WDFY1: variants seen among roughly 807,000 people sequenced by gnomAD.
WDFY1 encodes WD repeat and FYVE domain containing 1, also known as WD repeat and FYVE domain-containing protein 1.
Under a neutral mutation model 56.4 loss-of-function variants are expected in WDFY1, and 32 were observed. The ratio of observed to expected loss-of-function variants is 0.57; its 90% confidence interval spans 0.43 to 0.76. WDFY1 has a LOEUF of 0.76. WDFY1 is among the 30% of genes least tolerant of loss of function. The probability of loss-of-function intolerance (pLI) is 0.00; values close to 1 mark genes in which losing one functional copy is unlikely to be tolerated. For synonymous variants in WDFY1, 192 were observed against 197.3 expected (o/e 0.97, Z 0.23); for missense variants, 480 against 545.7 (o/e 0.88, Z 1.20).
chr2:223,888,348 G>A (rs1411275828), intron 8 of WDFY1, among the ~76,000 whole-genome samples: 2 of 152,042 alleles, frequency 1.3e-5, no homozygotes, highest in African/African-American at 2.4e-5. Context: ...GATTACAGGC[G>A]TGAGCCACTG....
At chr2:223,879,494 A>C (rs1693028939) in intron 11 of WDFY1, among the ~76,000 whole-genome samples, 1 of 151,918 alleles carries the variant, frequency 6.6e-6, no homozygotes, top group African/African-American at 2.4e-5. Context: ...AATCTCTATG[A>C]AAAATCCCCC....
intron 3 of WDFY1, among the ~76,000 whole-genome samples, chr2:223,910,281 T>A (rs1693672134): frequency 6.6e-6 from 1 of 152,156 alleles, no homozygotes; most frequent in Non-Finnish European, 1.5e-5. Flanking sequence ...GATCTAAATG[T>A]AAAGCTAAAC....
chr2:223,883,565 A>G (rs1464708047), intron 9 of WDFY1, among the ~76,000 whole-genome samples: 2 of 152,244 alleles, frequency 1.3e-5, no homozygotes, highest in African/African-American at 4.8e-5. Flanking sequence ...CTGAGCACTA[A>G]TAATTCCCTT....
chr2:223,942,811 A>G (rs1483908450), intron 1 of WDFY1, among the ~76,000 whole-genome samples: 2 of 145,948 alleles, frequency 1.4e-5, no homozygotes, highest in East Asian at 4.1e-4. Context: ...CTGGGATTAC[A>G]GGCGTGAGCC....
At chr2:223,921,675 C>T (rs1333585116) in intron 1 of WDFY1, among the ~76,000 whole-genome samples, 4 of 152,004 alleles carry the variant, frequency 2.6e-5, no homozygotes, top group South Asian at 4.2e-4. Context: ...ACTGAAGCCT[C>T]GAACTCCTGG....
At position 223,894,084 on chromosome 2, in the gene WDFY1, AC is replaced by A. The variant is rs150242947; in HGVS notation, c.831+149del. ...GAAGCAATGCAAAATGACACAAAGG[AC>A]CTTGTCAGAAATAACCCATTAGCAG... On this transcript the variant is annotated intron_variant, in intron 8 of 11. Transcript: ENST00000233055. The A allele has an allele frequency of 1.6e-4, 110 of 678,976 alleles. No individual in the cohort carries two copies. In the East Asian group the frequency reaches 2.9e-3, roughly 18 times the overall value. 42.1% of individuals were successfully genotyped at this position (678,976 alleles called of 1,614,324 possible).
chr2:223,902,354 G>C (rs1186446526), intron 4 of WDFY1, among the ~76,000 whole-genome samples: 2 of 152,256 alleles, frequency 1.3e-5, no homozygotes, highest in African/African-American at 4.8e-5. Context: ...TTTGAGGCCA[G>C]GAGTTGGAGA....
At chr2:223,904,392 C>T (rs2106084386) in intron 4 of WDFY1, among the ~76,000 whole-genome samples, 1 of 151,352 alleles carries the variant, frequency 6.6e-6, no homozygotes, top group East Asian at 2.0e-4. Context: ...GCTGGGACTA[C>T]AGGCATGTGT....
intron 11 of WDFY1, among the ~76,000 whole-genome samples, chr2:223,879,537 T>C (rs1693030353): frequency 6.6e-6 from 1 of 151,756 alleles, no homozygotes; most frequent in Non-Finnish European, 1.5e-5. Context: ...CAGGCACTTG[T>C]AGTTCTAGCT....
rs1168247655 is a variant in WDFY1 at position 223,898,975 on chromosome 2, G to T, written c.581C>A (p.Thr194Asn). ...LEQNTCSVITTLKGHEGSVAC... is the reference protein window; with the variant it reads ...LEQNTCSVITNLKGHEGSVAC... The stretch of plus-strand genomic sequence containing the variant: ...TAGCCTACCTTCATGTCCTTTGAGG[G>T]TTGTGATGACTGAACACGTGTTCTG... Residue 194 changes from threonine (T) to asparagine (N), a missense_variant, in exon 6 of 12, where the codon ACC (threonine) becomes AAC (asparagine). Thr to Asn is a moderately conservative substitution (Grantham distance 65, BLOSUM62 0). Transcript: ENST00000233055. 5 of 1,614,060 alleles carry T rather than the reference G, an allele frequency of 3.1e-6. 1 individual carries two copies. The South Asian group carries it at 5.5e-5, about 18-fold the overall frequency.
Position 223,878,703 on chromosome 2 carries a change from A to G in WDFY1, c.1201T>C (p.Cys401Arg). The G allele has an allele frequency of 1.9e-6, 3 of 1,613,970 alleles. No homozygotes were observed. Among genetic ancestry groups the G allele is most frequent in the Non-Finnish European group, 2.5e-6 (3 of 1,179,932 alleles). Residue 401 changes from cysteine to arginine, a missense_variant, in exon 12 of 12, where the codon TGC (cysteine) becomes CGC (arginine). Cys to Arg is a radical substitution (Grantham distance 180). Coordinates refer to ENST00000233055, the MANE Select transcript of WDFY1 (RefSeq NM_020830.5). ...GGAGAAAACCCAGTCGCCAGACTGC[A>G]GCCCACCACAGGTGTCATGTCCCAG... ...KIWDMTPVVGCSLATGFSPH is the reference protein window; with the variant it reads ...KIWDMTPVVGRSLATGFSPH
chr2:223,917,981 C>G lies in WDFY1; in HGVS notation c.167G>C (p.Ser56Thr), dbSNP rs1218682199. ...RTIRVWLKRD[S>T]GQYWPSIYHT... The stretch of plus-strand genomic sequence containing the variant: ...GTAAATGCTGGGCCAGTATTGACCA[C>G]TGTCTCTTTTCAGCCATACCCGGAT... Residue 56 changes from serine (S) to threonine (T), a missense_variant, in exon 2 of 12, where the codon AGT becomes ACT. Physicochemically the swap from Ser to Thr is moderately conservative, Grantham distance 58. Coordinates refer to ENST00000233055, the MANE Select transcript of WDFY1 (RefSeq NM_020830.5). The G allele has an allele frequency of 1.2e-6, 2 of 1,614,136 alleles. No homozygotes were observed. Among genetic ancestry groups the G allele is most frequent in the South Asian group, 2.2e-5 (2 of 91,078 alleles).
Position 223,878,604 on chromosome 2 carries a change from C to T in WDFY1, c.*67G>A, listed in dbSNP as rs373265589. ...CCATTCACGAGACAGCGCTGTGGAG[C>T]TGCGTGAGAGGGACTTCATTTGGTG... On this transcript the variant is annotated 3_prime_UTR_variant, in exon 12 of 12. Coordinates refer to ENST00000233055, the MANE Select transcript of WDFY1 (RefSeq NM_020830.5). The T allele has an allele frequency of 1.8e-5, 22 of 1,211,256 alleles. No homozygotes were observed. The Middle Eastern group carries it at 7.6e-4, about 42-fold the overall frequency. 75.0% of individuals were successfully genotyped at this position (1,211,256 alleles called of 1,614,324 possible).
chr2:223,924,992 G>A (rs1199760692), intron 1 of WDFY1, among the ~76,000 whole-genome samples: 3 of 151,848 alleles, frequency 2.0e-5, no homozygotes, highest in Non-Finnish European at 2.9e-5. Flanking sequence ...TTCCAGGCTT[G>A]GAAATTGGTT....
At chr2:223,943,115 A>G (rs1689341363) in intron 1 of WDFY1, among the ~76,000 whole-genome samples, 1 of 149,264 alleles carries the variant, frequency 6.7e-6, no homozygotes. Flanking sequence ...TGGGAGGCGG[A>G]GGTTGCAGTG....
Position 223,937,095 on chromosome 2 carries a change from G to A in WDFY1, c.137+8053C>T, listed in dbSNP as rs138016583. On this transcript the variant is annotated intron_variant, in intron 1 of 11. Transcript: ENST00000233055. ...CTTGAGGATCTCAAATATAGCAGGG[G>A]AAAGATGTCTAAGTGAAACTAATCA... Among the ~76,000 whole-genome samples, 344 of 152,314 alleles carry A rather than the reference G, an allele frequency of 2.3e-3. 3 individuals carry two copies. The Middle Eastern group carries it at 0.027, about 12-fold the overall frequency.
chr2:223,896,155 CAAAAAAAAAA>C (rs71058956), intron 6 of WDFY1, among the ~76,000 whole-genome samples: 592 of 39,844 alleles, frequency 0.015, 14 homozygotes, highest in African/African-American at 0.059. Context: ...GACTCTGTCT[CAAAAAAAAAA>C]AAAAAAAAAA....
chr2:223,939,511 T>C (rs936778428), intron 1 of WDFY1, among the ~76,000 whole-genome samples: 3 of 152,128 alleles, frequency 2.0e-5, no homozygotes, highest in African/African-American at 4.8e-5. Flanking sequence ...ATAAACAAAA[T>C]GAGATTCAAT....
chr2:223,937,821 A>G (rs889268761), intron 1 of WDFY1, among the ~76,000 whole-genome samples: 1 of 152,228 alleles, frequency 6.6e-6, no homozygotes, highest in Non-Finnish European at 1.5e-5. Context: ...TCTGCATGAC[A>G]ATGAAAATAC....
Sources: gnomAD v4.1 joint callset for allele counts (sites outside exome capture counted in the v4.1 genomes callset) on GRCh38, gnomAD v4.1.1 for gene constraint, MANE v1.5 for transcripts, NCBI Gene and HGNC (gene_info 2026-07-23, HGNC 2026-07-21) for gene names.